TSPAN18: variants seen among roughly 807,000 people sequenced by gnomAD.
TSPAN18 encodes the protein tetraspanin-18.
Under a neutral mutation model 27.3 loss-of-function variants are expected in TSPAN18, and 14 were observed. The ratio of observed to expected loss-of-function variants is 0.51; its 90% confidence interval spans 0.34 to 0.80. The LOEUF is 0.80. TSPAN18 is among the 30% of genes least tolerant of loss of function. The pLI is 0.01. For missense variants in TSPAN18, 268 were observed against 323.9 expected (o/e 0.83, Z 1.32); for synonymous variants, 143 against 136.5 (o/e 1.05, Z -0.33).
chr11:44,816,077 C>G (rs1014145842), intron 2 of TSPAN18, among the ~76,000 whole-genome samples: 1 of 146,172 alleles, frequency 6.8e-6, no homozygotes, highest in Non-Finnish European at 1.5e-5. Context: ...ATTGCCCACT[C>G]TGGGCCTTAG....
intron 2 of TSPAN18, among the ~76,000 whole-genome samples, chr11:44,807,870 A>G (rs1478762167): frequency 6.6e-6 from 1 of 152,194 alleles, no homozygotes; most frequent in East Asian, 1.9e-4. Context: ...TATGGGCTGC[A>G]TGTAGCCTCC....
intron 3 of TSPAN18, chr11:44,897,789 C>G: frequency 7.8e-7 from 1 of 1,289,372 alleles, no homozygotes; most frequent in Non-Finnish European, 1.0e-6. Flanking sequence ...GCCTCGCTGA[C>G]GGGAGAGTCT....
intron 3 of TSPAN18, among the ~76,000 whole-genome samples, chr11:44,867,664 G>T (rs1019134959): frequency 8.5e-5 from 13 of 152,120 alleles, no homozygotes; most frequent in African/African-American, 3.1e-4. Flanking sequence ...CTCCCAAAGT[G>T]CTGGGATTAC....
intron 2 of TSPAN18, among the ~76,000 whole-genome samples, chr11:44,842,176 C>T (rs928243897): frequency 6.6e-6 from 1 of 152,172 alleles, no homozygotes; most frequent in Admixed American, 6.5e-5. Context: ...GCCTCAGTCT[C>T]CTTCAAGGAT....
intron 2 of TSPAN18, among the ~76,000 whole-genome samples, chr11:44,773,461 A>G (rs1565142750): frequency 6.6e-6 from 1 of 152,162 alleles, no homozygotes; most frequent in Non-Finnish European, 1.5e-5. Context: ...CAGTGACTGC[A>G]GCAATTGTTT....
chr11:44,887,586 C>T (rs78150932), intron 3 of TSPAN18, among the ~76,000 whole-genome samples: 1,965 of 152,286 alleles, frequency 0.013, 20 homozygotes, highest in Non-Finnish European at 0.021. Flanking sequence ...AAGTAAGTTT[C>T]CTGTGTTCAC....
intron 2 of TSPAN18, among the ~76,000 whole-genome samples, chr11:44,797,299 C>T (rs1856372080): frequency 6.6e-6 from 1 of 152,126 alleles, no homozygotes; most frequent in Non-Finnish European, 1.5e-5. Flanking sequence ...AGTTCACAAA[C>T]CAGACTCTGG....
At chr11:44,831,498 GA>G (rs914257613) in intron 2 of TSPAN18, among the ~76,000 whole-genome samples, 6 of 152,164 alleles carry the variant, frequency 3.9e-5, no homozygotes, top group African/African-American at 1.4e-4. Flanking sequence ...CTTGGCTTTG[GA>G]AAAAGCATGT....
chr11:44,854,900 G>A (rs1444231782), intron 2 of TSPAN18, among the ~76,000 whole-genome samples: 1 of 152,148 alleles, frequency 6.6e-6, no homozygotes, highest in Non-Finnish European at 1.5e-5. Context: ...ATTAGGAATC[G>A]GAGACAATTT....
At chr11:44,813,748 C>T (rs10838359) in intron 2 of TSPAN18, among the ~76,000 whole-genome samples, 46,576 of 152,030 alleles carry the variant, frequency 0.31, 8,614 homozygotes, top group Non-Finnish European at 0.41. Flanking sequence ...TTGCAAGAGG[C>T]ACAAAACCTT....
intron 3 of TSPAN18, among the ~76,000 whole-genome samples, chr11:44,874,659 G>A (rs778489133): frequency 5.3e-5 from 8 of 152,226 alleles, no homozygotes; most frequent in South Asian, 2.1e-4. Flanking sequence ...GGAACCAGCC[G>A]GAGAACTAAT....
intron 2 of TSPAN18, among the ~76,000 whole-genome samples, chr11:44,842,129 CCTTT>C (rs1565173294): frequency 1.3e-5 from 2 of 152,216 alleles, no homozygotes; most frequent in South Asian, 2.1e-4. Context: ...AGTGGTCCTT[CCTTT>C]GAGAGGCTGG....
intron 8 of TSPAN18, among the ~76,000 whole-genome samples, chr11:44,922,050 C>G (rs1860158319): frequency 6.6e-6 from 1 of 152,068 alleles, no homozygotes; most frequent in Admixed American, 6.5e-5. Context: ...CGTTAAAAAT[C>G]TGCTGCTGTG....
chr11:44,861,370 C>T (rs1857877580), intron 3 of TSPAN18, among the ~76,000 whole-genome samples: 1 of 114,840 alleles, frequency 8.7e-6, no homozygotes, highest in Non-Finnish European at 1.8e-5. Flanking sequence ...GTCAGTTGGT[C>T]GGGGGGCAGT....
intron 2 of TSPAN18, among the ~76,000 whole-genome samples, chr11:44,777,971 T>A (rs894291928): frequency 7.9e-5 from 12 of 151,940 alleles, no homozygotes; most frequent in Non-Finnish European, 1.6e-4. Context: ...TCTTAAAGGA[T>A]TTTTCCCCCC....
intron 1 of TSPAN18, among the ~76,000 whole-genome samples, chr11:44,763,584 A>G (rs1855500602): frequency 6.6e-6 from 1 of 152,134 alleles, no homozygotes; most frequent in African/African-American, 2.4e-5. Flanking sequence ...GGCAATGATT[A>G]ATTCTTTTTC....
chr11:44,762,326 A>G (rs1855472096), intron 1 of TSPAN18, among the ~76,000 whole-genome samples: 1 of 152,226 alleles, frequency 6.6e-6, no homozygotes, highest in South Asian at 2.1e-4. Flanking sequence ...TCCATTTTGG[A>G]CATGATATCA....
chr11:44,873,072 G>A (rs563001097), intron 3 of TSPAN18, among the ~76,000 whole-genome samples: 2 of 152,212 alleles, frequency 1.3e-5, no homozygotes, highest in Non-Finnish European at 2.9e-5. Context: ...TCAGGAAGAA[G>A]ATGGTCGAAA....
intron 2 of TSPAN18, among the ~76,000 whole-genome samples, chr11:44,800,035 T>G (rs965724316): frequency 1.3e-5 from 2 of 150,794 alleles, no homozygotes; most frequent in African/African-American, 4.9e-5. Context: ...TTTTGTATTT[T>G]TAGTAGAGAC....
Sources: allele counts gnomAD v4.1 joint callset (sites outside exome capture counted in the v4.1 genomes callset), GRCh38; gene constraint gnomAD v4.1.1; transcripts MANE v1.5; gene names NCBI Gene and HGNC (gene_info 2026-07-23, HGNC 2026-07-21).